The following FLYWCH1 variants were observed in gnomAD, a reference collection of about 807,000 sequenced individuals.
The protein encoded by FLYWCH1 is FLYWCH-type zinc finger-containing protein 1.
In FLYWCH1, 75 loss-of-function variants were observed where a neutral mutation model predicts 66.4. That is an observed-to-expected ratio of 1.13 (90% CI 0.94 to 1.37). FLYWCH1 has a LOEUF of 1.37. Ranked by LOEUF, FLYWCH1 falls within the 40% of genes most tolerant of loss-of-function variation. The probability of loss-of-function intolerance (pLI) is 0.00; values close to 1 mark genes in which losing one functional copy is unlikely to be tolerated. For synonymous variants in FLYWCH1, 595 were observed against 429.9 expected, an observed-to-expected ratio of 1.38 and a Z score of -4.75; for missense variants, 1,334 against 1,001.8, an observed-to-expected ratio of 1.33 and a Z score of -4.48.
At chr16:2,947,809 G>A (rs911605200) in intron 9 of FLYWCH1, among the ~76,000 whole-genome samples, 2 of 150,170 alleles carry the variant, frequency 1.3e-5, no homozygotes, top group Non-Finnish European at 2.9e-5. Context: ...AACAGAACCT[G>A]ATCACATGAG....
At chr16:2,945,230 G>T (rs2071428673) in intron 9 of FLYWCH1, among the ~76,000 whole-genome samples, 1 of 152,126 alleles carries the variant, frequency 6.6e-6, no homozygotes, top group East Asian at 1.9e-4. Flanking sequence ...GCTCACGCCT[G>T]TAATCCCAGC....
chr16:2,923,614 G>T (rs1007396982), intron 2 of FLYWCH1, among the ~76,000 whole-genome samples: 1 of 152,126 alleles, frequency 6.6e-6, no homozygotes, highest in African/African-American at 2.4e-5. Context: ...TGTTTCCCTC[G>T]TTACAAGCCA....
Position 2,948,775 on chromosome 16 carries a change from A to C in FLYWCH1, c.*48A>C. ...CGAGCCGCCCACCCAAGGTGGCTTC[A>C]CATCCACACAGGCACTTCCCATCCA... is the stretch of plus-strand genomic sequence containing the variant. On this transcript the variant is annotated 3_prime_UTR_variant, in exon 10 of 10. Coordinates refer to ENST00000253928, the MANE Select transcript of FLYWCH1 (RefSeq NM_001308068.2). 1 of 1,570,404 alleles carries C rather than the reference A, an allele frequency of 6.4e-7. No individual in the cohort carries two copies. The highest frequency in any genetic ancestry group is 1.1e-5 in the South Asian group (1 of 90,098).
At chr16:2,946,759 A>G (rs1301260979) in intron 9 of FLYWCH1, among the ~76,000 whole-genome samples, 2 of 152,202 alleles carry the variant, frequency 1.3e-5, no homozygotes, top group Non-Finnish European at 2.9e-5. Context: ...TAGATTCTCA[A>G]CTTCATCAGT....
intron 9 of FLYWCH1, among the ~76,000 whole-genome samples, chr16:2,944,003 G>A (rs1418312103): frequency 6.6e-6 from 1 of 152,250 alleles, no homozygotes; most frequent in East Asian, 1.9e-4. Context: ...GGCTGAGATG[G>A]AAGTGTCACC....
chr16:2,943,941 A>G (rs12051289), intron 9 of FLYWCH1, among the ~76,000 whole-genome samples: 11 of 151,836 alleles, frequency 7.2e-5, no homozygotes, highest in African/African-American at 2.4e-4. Context: ...CGTCTCTACA[A>G]AAAAATTTAA....
intron 2 of FLYWCH1, among the ~76,000 whole-genome samples, chr16:2,920,910 C>T (rs1250103130): frequency 1.4e-5 from 2 of 139,702 alleles, no homozygotes; most frequent in Admixed American, 7.8e-5. Context: ...GGCGCGATCT[C>T]AGCTCACTGC....
chr16:2,921,978 A>G lies in FLYWCH1; in HGVS notation c.-73-7635A>G, dbSNP rs1425216993. 5.3e-5 allele frequency among the ~76,000 whole-genome samples: 8 copies of G among 152,032 alleles called. No homozygotes were observed. In the South Asian group the frequency reaches 1.7e-3, roughly 32 times the overall value. On this transcript the variant is annotated intron_variant, in intron 2 of 9. Transcript: ENST00000253928. Reference sequence around the variant, plus strand: ...CTCAGGAGGCTGAGGCGGGAGAATCACTTGAACCCGGGAGGCAGAGGTTGC... The same window carrying G: ...CTCAGGAGGCTGAGGCGGGAGAATCGCTTGAACCCGGGAGGCAGAGGTTGC...
intron 2 of FLYWCH1, among the ~76,000 whole-genome samples, chr16:2,927,767 G>A (rs1399508146): frequency 6.6e-6 from 1 of 152,214 alleles, no homozygotes; most frequent in Non-Finnish European, 1.5e-5. Context: ...CCACACCTAT[G>A]GATATTTCTC....
chr16:2,947,644 C>T (rs2071538817), intron 9 of FLYWCH1, among the ~76,000 whole-genome samples: 1 of 151,864 alleles, frequency 6.6e-6, no homozygotes, highest in Non-Finnish European at 1.5e-5. Context: ...CACCTATAAT[C>T]CCAGCTACTC....
At chr16:2,937,099 C>T in intron 6 of FLYWCH1, 22 bp from the exon 7 acceptor site, 1 of 1,587,006 alleles carries the variant, frequency 6.3e-7, no homozygotes, top group Non-Finnish European at 8.6e-7. Flanking sequence ...TCCGCTGCTC[C>T]TCCCCTCCCA....
At chr16:2,916,215 C>T (rs1050967905) in intron 2 of FLYWCH1, among the ~76,000 whole-genome samples, 4 of 152,206 alleles carry the variant, frequency 2.6e-5, no homozygotes, top group East Asian at 1.9e-4. Context: ...CGTGTTGGTG[C>T]GTGCCTGTAA....
intron 6 of FLYWCH1, chr16:2,936,349 C>A: frequency 2.2e-6 from 1 of 455,600 alleles, no homozygotes; most frequent in Admixed American, 2.4e-5. Context: ...TGCTGCTGTG[C>A]CCCTCAGGGT....
chr16:2,946,917 G>C (rs1351165636), intron 9 of FLYWCH1, among the ~76,000 whole-genome samples: 3 of 152,058 alleles, frequency 2.0e-5, no homozygotes, highest in Admixed American at 1.3e-4. Flanking sequence ...AAATGGCCCA[G>C]CCACTTTGGA....
rs1392972098 is a variant in FLYWCH1 at position 2,933,514 on chromosome 16, T to A, written c.1181T>A (p.Val394Asp). 1 of 1,611,814 alleles carries A rather than the reference T, an allele frequency of 6.2e-7. No homozygotes were observed. The highest frequency in any genetic ancestry group is 1.3e-5 in the African/African-American group (1 of 74,850). ...TRPRPRKRAK[V>D]EDQELPTQPE... ...CCTCGGCCCAGAAAGCGAGCAAAGG[T>A]CGAAGACCAGGAGCTGCCAACCCAG... Residue 394 changes from valine to aspartate, a missense_variant, in exon 5 of 10, where the codon GTC becomes GAC. Val to Asp is a radical substitution (Grantham distance 152). Coordinates refer to ENST00000253928, the MANE Select transcript of FLYWCH1 (RefSeq NM_001308068.2).
intron 2 of FLYWCH1, among the ~76,000 whole-genome samples, chr16:2,918,233 C>T (rs1596353809): frequency 6.7e-6 from 1 of 149,122 alleles, no homozygotes; most frequent in South Asian, 2.1e-4. Flanking sequence ...CTGCAAGCTC[C>T]GCCTCCCAGG....
intron 9 of FLYWCH1, among the ~76,000 whole-genome samples, chr16:2,944,523 A>T (rs1302528716): frequency 2.0e-5 from 3 of 152,122 alleles, no homozygotes; most frequent in Non-Finnish European, 4.4e-5. Flanking sequence ...CTACTTATTT[A>T]AAAAGTCAAC....
At chr16:2,920,516 A>C (rs1278309744) in intron 2 of FLYWCH1, among the ~76,000 whole-genome samples, 2 of 151,948 alleles carry the variant, frequency 1.3e-5, no homozygotes, top group African/African-American at 4.8e-5. Flanking sequence ...TGTCTTAAAA[A>C]AAAAAAAAAA....
At chr16:2,925,554 G>A (rs1410622507) in intron 2 of FLYWCH1, among the ~76,000 whole-genome samples, 2 of 144,150 alleles carry the variant, frequency 1.4e-5, no homozygotes, top group African/African-American at 5.2e-5. Context: ...CAATCAGCGC[G>A]CGCGGGGTAG....
Sources: allele counts gnomAD v4.1 joint callset (sites outside exome capture counted in the v4.1 genomes callset), GRCh38; gene constraint gnomAD v4.1.1; transcripts MANE v1.5; gene names NCBI Gene and HGNC (gene_info 2026-07-23, HGNC 2026-07-21).